ABCD2: variants seen among roughly 807,000 people sequenced by gnomAD.
ABCD2 encodes ATP-binding cassette sub-family D member 2.
Under a neutral mutation model 70.9 loss-of-function variants are expected in ABCD2, and 36 were observed. That is an observed-to-expected ratio of 0.51 (90% CI 0.39 to 0.67). The LOEUF (loss-of-function observed/expected upper bound fraction) is 0.67, where lower values mean the gene tolerates loss of function less well. ABCD2 is among the 30% of genes least tolerant of loss of function. The probability of loss-of-function intolerance (pLI) is 0.00; values close to 1 mark genes in which losing one functional copy is unlikely to be tolerated. For missense variants in ABCD2, 729 were observed against 890.2 expected, an observed-to-expected ratio of 0.82 and a Z score of 2.30; for synonymous variants, 304 against 306.9, an observed-to-expected ratio of 0.99 and a Z score of 0.10.
intron 5 of ABCD2, among the ~76,000 whole-genome samples, chr12:39,602,127 TTTTATTTA>T (rs78767678): frequency 0.17 from 24,703 of 145,150 alleles, 2,612 homozygotes; most frequent in African/African-American, 0.31. Flanking sequence ...TTTTTAAAAA[TTTTATTTA>T]TTTATTTATT....
chr12:39,562,693 A>G (rs536009042), intron 9 of ABCD2, among the ~76,000 whole-genome samples: 1 of 152,312 alleles, frequency 6.6e-6, no homozygotes, highest in South Asian at 2.1e-4. Context: ...ACATCAAGAA[A>G]GTCCCAGAAT....
chr12:39,574,331 G>A (rs1352521062), intron 8 of ABCD2, among the ~76,000 whole-genome samples: 2 of 152,108 alleles, frequency 1.3e-5, no homozygotes, highest in South Asian at 2.1e-4. Flanking sequence ...ATAAGACTGC[G>A]AGAGTGAATG....
At chr12:39,577,969 C>G (rs1941542160) in intron 8 of ABCD2, among the ~76,000 whole-genome samples, 1 of 152,124 alleles carries the variant, frequency 6.6e-6, no homozygotes, top group African/African-American at 2.4e-5. Flanking sequence ...GAATAGCCAA[C>G]TGAGTGCTTA....
the ABCD2 span, among the ~76,000 whole-genome samples, chr12:39,532,268 GA>G: frequency 1.9e-3 from 293 of 152,308 alleles, no homozygotes; most frequent in African/African-American, 6.9e-3. Flanking sequence ...CATGTGGATT[GA>G]AAAGACTCAG....
chr12:39,582,860 A>ATT (rs768887989), intron 7 of ABCD2, among the ~76,000 whole-genome samples: 3 of 143,144 alleles, frequency 2.1e-5, no homozygotes, highest in Non-Finnish European at 3.1e-5. Context: ...TTAGCTACTA[A>ATT]TTTTTTTTTT....
At chr12:39,588,176 TCTAGCC>T (rs1176210393) in intron 6 of ABCD2, among the ~76,000 whole-genome samples, 1 of 152,132 alleles carries the variant, frequency 6.6e-6, no homozygotes, top group Non-Finnish European at 1.5e-5. Context: ...TAAAAAAATT[TCTAGCC>T]CTATCTACAT....
At chr12:39,560,122 T>C (rs1941233131) in intron 9 of ABCD2, among the ~76,000 whole-genome samples, 1 of 152,332 alleles carries the variant, frequency 6.6e-6, no homozygotes, top group African/African-American at 2.4e-5. Flanking sequence ...TAACTCATCA[T>C]TTACATTAGG....
chr12:39,567,263 TC>T (rs1355815533), intron 9 of ABCD2, among the ~76,000 whole-genome samples: 1 of 152,160 alleles, frequency 6.6e-6, no homozygotes, highest in Non-Finnish European at 1.5e-5. Context: ...TGTGCAGGAG[TC>T]TAAGTCTCTT....
Position 39,553,646 on chromosome 12 carries a change from A to G in ABCD2, c.*266T>C, listed in dbSNP as rs889984537. 8 of 380,476 alleles carry G rather than the reference A, an allele frequency of 2.1e-5. No individual in the cohort carries two copies. The highest frequency in any genetic ancestry group is 1.7e-4 in the African/African-American group (8 of 48,258). The allele number at this position is 380,476 out of a possible 1,614,324, so 23.6% of individuals were successfully genotyped here. A position where few individuals can be genotyped will look rare whatever the true frequency, so the allele number is the denominator to read the frequency against. ...ATACATAGTAAATCTGGTATTCATC[A>G]TGAATTCACCTAGAAAATCCTGTTT... On this transcript the variant is annotated 3_prime_UTR_variant, in exon 10 of 10. Coordinates refer to ENST00000308666, the MANE Select transcript of ABCD2 (RefSeq NM_005164.4).
chr12:39,575,099 G>A (rs1941498371), intron 8 of ABCD2, among the ~76,000 whole-genome samples: 1 of 152,154 alleles, frequency 6.6e-6, no homozygotes, highest in African/African-American at 2.4e-5. Context: ...ATATTTTTAA[G>A]TGAACAAGAG....
intron 9 of ABCD2, among the ~76,000 whole-genome samples, chr12:39,556,982 C>CA (rs57091997): frequency 0.33 from 36,950 of 110,330 alleles, 5,089 homozygotes; most frequent in South Asian, 0.48. Context: ...GACTCTGTCT[C>CA]AAAAAAAAAA....
At chr12:39,531,718 T>A in the ABCD2 span, among the ~76,000 whole-genome samples, 1 of 152,224 alleles carries the variant, frequency 6.6e-6, no homozygotes, top group East Asian at 1.9e-4. Context: ...CTATTTTGGG[T>A]GGAATCATGC....
In ABCD2 at chr12:39,607,697, C is replaced by G. The variant is rs751875238; in HGVS notation, c.1138G>C (p.Val380Leu). The change falls in exon 3 of 10, where the codon GTT becomes CTT. Residue 380 changes from valine to leucine, a missense_variant. Physicochemically the swap from Val to Leu is conservative, Grantham distance 32 (BLOSUM62 1). Transcript: ENST00000308666. ...FADGEDGQKQ[V>L]MVSERTEAFT... ...GCTTCTGTCCGTTCACTAACCATAA[C>G]TTGCTTTTGGCCATCCTCTAGATAT... is the stretch of plus-strand genomic sequence containing the variant. 2.9e-5 allele frequency: 46 copies of G among 1,608,324 alleles called. No individual in the cohort carries two copies. The highest frequency in any genetic ancestry group is 3.9e-5 in the Non-Finnish European group (46 of 1,177,994).
chr12:39,548,213 C>T (rs181992445), downstream of ABCD2, among the ~76,000 whole-genome samples: 1 of 152,154 alleles, frequency 6.6e-6, no homozygotes, highest in Admixed American at 6.5e-5. Flanking sequence ...ATGATTTTGC[C>T]CACCTGTAGG....
chr12:39,618,674 T>A lies in ABCD2; in HGVS notation c.939+3A>T. On this transcript the variant is annotated splice_donor_region_variant and intron_variant, in intron 1 of 9. Coordinates refer to ENST00000308666, the MANE Select transcript of ABCD2 (RefSeq NM_005164.4). ...TCACCCATCACCTTAATTTCTATCT[T>A]ACCTTATGTCCTCTGTAAAAGGCAA... 1 of 1,608,548 alleles carries A rather than the reference T, an allele frequency of 6.2e-7. No homozygotes were observed.
At chr12:39,610,201 C>T (rs1004145231) in intron 2 of ABCD2, among the ~76,000 whole-genome samples, 5 of 152,288 alleles carry the variant, frequency 3.3e-5, no homozygotes, top group Non-Finnish European at 4.4e-5. Flanking sequence ...TATGGGTTGA[C>T]GTCAAGCACT....
intron 9 of ABCD2, among the ~76,000 whole-genome samples, chr12:39,561,671 T>C (rs1941261603): frequency 6.6e-6 from 1 of 152,090 alleles, no homozygotes; most frequent in African/African-American, 2.4e-5. Flanking sequence ...CTGAATATAT[T>C]TGAACCCAAC....
chr12:39,618,778 T>C lies in ABCD2; in HGVS notation c.838A>G (p.Lys280Glu), dbSNP rs963234559. Reference protein sequence around the residue: ...VLKACSPKFGKLVAEEAHRKG... With the variant: ...VLKACSPKFGELVAEEAHRKG... Reference sequence around the variant, plus strand: ...CTATGTGCTTCCTCTGCCACCAGTTTGCCAAATTTGGGAGAACAGGCTTTT... The same window carrying C: ...CTATGTGCTTCCTCTGCCACCAGTTCGCCAAATTTGGGAGAACAGGCTTTT... The change falls in exon 1 of 10, where the codon AAA becomes GAA. Residue 280 changes from lysine (K) to glutamate (E), a missense_variant. Physicochemically the swap from Lys to Glu is moderately conservative, Grantham distance 56 (BLOSUM62 1). Around this residue, in one of 3 missense-constraint regions of ABCD2, gnomAD observed 195 missense variants for 300.2 expected, o/e 0.65. Transcript: ENST00000308666. 1.7e-5 allele frequency: 28 copies of C among 1,614,122 alleles called. No homozygotes were observed. Among genetic ancestry groups the C allele is most frequent in the Non-Finnish European group, 2.3e-5 (27 of 1,180,048 alleles).
chr12:39,603,499 A>C (rs1426342056), intron 5 of ABCD2, among the ~76,000 whole-genome samples: 2 of 152,126 alleles, frequency 1.3e-5, no homozygotes, highest in African/African-American at 4.8e-5. Context: ...TATTTTAAAA[A>C]TTTAAGTCAC....
Sources: allele counts gnomAD v4.1 joint callset (sites outside exome capture counted in the v4.1 genomes callset), GRCh38; gene constraint gnomAD v4.1.1; regional missense constraint gnomAD v4.1.1; transcripts MANE v1.5; gene names NCBI Gene and HGNC (gene_info 2026-07-23, HGNC 2026-07-21).